ANKRD44: variants seen among roughly 807,000 people sequenced by gnomAD.
ANKRD44 encodes serine/threonine-protein phosphatase 6 regulatory ankyrin repeat subunit B.
A neutral mutation model predicts 116.0 loss-of-function variants in ANKRD44; 35 were observed. The ratio of observed to expected loss-of-function variants is 0.30; its 90% CI spans 0.23 to 0.40. The LOEUF is 0.40. ANKRD44 is among the 10% of genes least tolerant of loss of function. The probability of loss-of-function intolerance (pLI) is 1.00; values close to 1 mark genes in which losing one functional copy is unlikely to be tolerated. For missense variants in ANKRD44, 1,014 were observed against 1,242.6 expected (o/e 0.82, Z 2.77); for synonymous variants, 435 against 461.8 (o/e 0.94, Z 0.74).
chr2:197,265,180 A>G (rs2082708362), intron 1 of ANKRD44, among the ~76,000 whole-genome samples: 1 of 141,622 alleles, frequency 7.1e-6, no homozygotes, highest in African/African-American at 2.7e-5. Flanking sequence ...GCTTTTTCTT[A>G]TTTTAGACAG....
intron 4 of ANKRD44, chr2:197,135,571 T>C (rs2079196270): frequency 6.6e-6 from 1 of 152,250 alleles, no homozygotes; most frequent in Non-Finnish European, 1.5e-5. Context: ...ATAGATAATC[T>C]ATCAGTCATC....
At chr2:197,020,609 C>T (rs2076477566) in intron 17 of ANKRD44, among the ~76,000 whole-genome samples, 1 of 152,084 alleles carries the variant, frequency 6.6e-6, no homozygotes, top group South Asian at 2.1e-4. Flanking sequence ...ACCCTTCAGC[C>T]AGGGGTTGGA....
intron 1 of ANKRD44, among the ~76,000 whole-genome samples, chr2:197,252,248 T>C (rs376435519): frequency 6.6e-6 from 1 of 152,184 alleles, no homozygotes; most frequent in African/African-American, 2.4e-5. Flanking sequence ...CTGCCTGTTA[T>C]CTATTTCTGT....
At chr2:197,121,251 G>T in intron 8 of ANKRD44, 81 bp downstream of exon 8, 1 of 1,353,020 alleles carries the variant, frequency 7.4e-7, no homozygotes, top group East Asian at 2.3e-5. Context: ...ACTAAAACAT[G>T]GCATAATTTG....
rs1260214242 is a variant in ANKRD44 at position 197,103,226 on chromosome 2, T to G, written c.986-3296A>C. The stretch of plus-strand genomic sequence containing the variant: ...CTGGGCGACAGAGTGAGACTCCATC[T>G]CAAAAAAAAAAAAAAAAAAAATTGG... On this transcript the variant is annotated intron_variant, in intron 9 of 27. Coordinates refer to ENST00000282272, the MANE Select transcript of ANKRD44 (RefSeq NM_001195144.2). Among the ~76,000 whole-genome samples the G allele has an allele frequency of 1.3e-4, 5 of 39,432 alleles. No individual in the cohort carries two copies. The East Asian group carries it at 6.9e-3, about 54-fold the overall frequency. The allele number at this position is 39,432 out of a possible 152,430, so 25.9% of individuals were successfully genotyped here.
At chr2:197,002,982 G>A (rs1196728463) in intron 21 of ANKRD44, among the ~76,000 whole-genome samples, 1 of 152,082 alleles carries the variant, frequency 6.6e-6, no homozygotes, top group Non-Finnish European at 1.5e-5. Context: ...CTTTTAGACA[G>A]ATTAAAAAGC....
chr2:197,099,590 C>A, intron 10 of ANKRD44: 2 of 1,219,414 alleles, frequency 1.6e-6, no homozygotes, highest in Non-Finnish European at 2.0e-6. Flanking sequence ...TAATTAAAAC[C>A]ACTGAAATAG....
At chr2:196,993,559 T>A in intron 27 of ANKRD44, 24 bp downstream of exon 27, 1 of 1,536,392 alleles carries the variant, frequency 6.5e-7, no homozygotes, top group Non-Finnish European at 8.8e-7. Flanking sequence ...GTACCTGCAG[T>A]CGCTGTTGAC....
intron 1 of ANKRD44, among the ~76,000 whole-genome samples, chr2:197,284,202 C>T (rs1047245653): frequency 2.0e-5 from 3 of 152,090 alleles, no homozygotes; most frequent in Non-Finnish European, 2.9e-5. Context: ...AATCCACTTG[C>T]AAAGAACATT....
intron 1 of ANKRD44, among the ~76,000 whole-genome samples, chr2:197,210,914 G>A (rs1183090510): frequency 2.0e-5 from 3 of 152,150 alleles, no homozygotes; most frequent in Non-Finnish European, 4.4e-5. Context: ...TATTGGAGAG[G>A]GGGTGTCTAG....
intron 21 of ANKRD44, among the ~76,000 whole-genome samples, chr2:196,977,599 T>C (rs2075770001): frequency 6.6e-6 from 1 of 152,348 alleles, no homozygotes; most frequent in African/African-American, 2.4e-5. Context: ...AGAAAGGTGC[T>C]TGACATCATT....
At chr2:197,004,792 C>T (rs2076173718) in intron 21 of ANKRD44, among the ~76,000 whole-genome samples, 2 of 151,898 alleles carry the variant, frequency 1.3e-5, no homozygotes, top group African/African-American at 4.8e-5. Context: ...TTTATGGTAC[C>T]ATAATATGGA....
At chr2:197,255,006 G>A (rs2082411976) in intron 1 of ANKRD44, among the ~76,000 whole-genome samples, 1 of 152,184 alleles carries the variant, frequency 6.6e-6, no homozygotes, top group Non-Finnish European at 1.5e-5. Flanking sequence ...CAAGGCAATA[G>A]TTAACTGAAC....
At chr2:197,199,177 T>C (rs1457497282) in intron 1 of ANKRD44, 1 of 152,104 alleles carries the variant, frequency 6.6e-6, no homozygotes, top group Non-Finnish European at 1.5e-5. Flanking sequence ...GTTTAGGTTT[T>C]GGTAAGAAGA....
At chr2:197,084,431 T>G (rs2125150728) in intron 13 of ANKRD44, among the ~76,000 whole-genome samples, 1 of 152,296 alleles carries the variant, frequency 6.6e-6, no homozygotes, top group Non-Finnish European at 1.5e-5. Flanking sequence ...CATCACATAT[T>G]GCCTTGATTT....
At chr2:197,144,113 G>A (rs549814107) in intron 3 of ANKRD44, among the ~76,000 whole-genome samples, 46 of 152,350 alleles carry the variant, frequency 3.0e-4, no homozygotes, top group African/African-American at 9.9e-4. Context: ...TGGACTGGCA[G>A]TTGTAAGAAA....
At chr2:197,209,151 AG>A (rs2081272945) in intron 1 of ANKRD44, among the ~76,000 whole-genome samples, 1 of 152,230 alleles carries the variant, frequency 6.6e-6, no homozygotes, top group Non-Finnish European at 1.5e-5. Flanking sequence ...CGTTCTGAGT[AG>A]TTTCTTCGAA....
chr2:197,078,753 T>C lies in ANKRD44; in HGVS notation c.1600A>G (p.Asn534Asp). ...TAGGCGGCAGCATAATGTATGCTAT[T>C]GTAACCTTCCTTGTCCCGGATAGAT... ...NPSIRDKEGY[N>D]SIHYAAAYGH... The change falls in exon 16 of 28, where the codon AAT (asparagine) becomes GAT (aspartate). Residue 534 changes from asparagine (N) to aspartate (D), a missense_variant. Coordinates refer to ENST00000282272, the MANE Select transcript of ANKRD44 (RefSeq NM_001195144.2). 1.2e-6 allele frequency: 2 copies of C among 1,613,250 alleles called. No individual in the cohort carries two copies. Among genetic ancestry groups the C allele is most frequent in the Non-Finnish European group, 8.5e-7 (1 of 1,179,414 alleles).
At chr2:197,125,761 G>T (rs977363418) in intron 5 of ANKRD44, 76 bp downstream of exon 5, 6 of 1,455,910 alleles carry the variant, frequency 4.1e-6, no homozygotes, top group Non-Finnish European at 3.8e-6. Flanking sequence ...TAAAATCTCA[G>T]CAAGAAGATC....
Sources: gnomAD v4.1 joint callset for allele counts (sites outside exome capture counted in the v4.1 genomes callset) on GRCh38, gnomAD v4.1.1 for gene constraint, MANE v1.5 for transcripts, NCBI Gene and HGNC (gene_info 2026-07-23, HGNC 2026-07-21) for gene names.